MYO18B: variants seen among roughly 807,000 people sequenced by gnomAD.
The protein encoded by MYO18B is unconventional myosin-XVIIIb.
Under a neutral mutation model 273.0 loss-of-function variants are expected in MYO18B, and 204 were observed. The ratio of observed to expected loss-of-function variants is 0.75; its 90% CI spans 0.67 to 0.84. The LOEUF (loss-of-function observed/expected upper bound fraction) is 0.84. Ranked by LOEUF, MYO18B falls within the 40% of genes least tolerant of loss-of-function variation. The probability of loss-of-function intolerance (pLI) is 0.00; values close to 1 mark genes in which losing one functional copy is unlikely to be tolerated. For synonymous variants in MYO18B, 1,330 were observed against 1,305.7 expected, an observed-to-expected ratio of 1.02 and a Z score of -0.40; for missense variants, 3,212 against 3,287.6, an observed-to-expected ratio of 0.98 and a Z score of 0.56.
chr22:25,829,440 T>C (rs1328525024), intron 15 of MYO18B, among the ~76,000 whole-genome samples: 1 of 151,570 alleles, frequency 6.6e-6, no homozygotes, highest in Non-Finnish European at 1.5e-5. Flanking sequence ...GCAATTCCTC[T>C]TCTAGGAGGC....
chr22:25,908,211 C>T (rs1317115329), intron 31 of MYO18B, 111 bp from the exon 32 acceptor site: 2 of 822,714 alleles, frequency 2.4e-6, no homozygotes, highest in Non-Finnish European at 4.0e-6. Flanking sequence ...ACTTGACTCT[C>T]ATTTATGTAT....
chr22:25,936,205 G>C (rs1219084807), intron 34 of MYO18B, among the ~76,000 whole-genome samples: 1 of 152,188 alleles, frequency 6.6e-6, no homozygotes, highest in Middle Eastern at 3.2e-3. Context: ...GTTTTATCCT[G>C]CTTTTCTATT....
chr22:25,908,156 C>A (rs1343603281), intron 31 of MYO18B, among the ~76,000 whole-genome samples, 166 bp from the exon 32 acceptor site: 2 of 152,090 alleles, frequency 1.3e-5, no homozygotes, highest in African/African-American at 4.8e-5. Context: ...AATATTTAAT[C>A]TATTTACCCA....
chr22:25,823,465 A>G, intron 12 of MYO18B, 40 bp from the exon 13 acceptor site: 1 of 1,601,072 alleles, frequency 6.2e-7, no homozygotes, highest in Non-Finnish European at 8.5e-7. Context: ...CCCCATGCCC[A>G]AGGCCTCACT....
At chr22:25,927,157 A>G (rs1397993053) in intron 34 of MYO18B, among the ~76,000 whole-genome samples, 1 of 151,486 alleles carries the variant, frequency 6.6e-6, no homozygotes, top group African/African-American at 2.4e-5. Flanking sequence ...GGCACCTTGA[A>G]AAAAGAACAG....
chr22:25,939,420 C>T lies in MYO18B; in HGVS notation c.5518-6717C>T, dbSNP rs143496241. ...GTTCCATCTTGTATTCTTAGGCAGA[C>T]TCTTCGATCTTGCCCAGACTTTCCA... is the stretch of plus-strand genomic sequence containing the variant. On this transcript the variant is annotated intron_variant, in intron 34 of 43. Coordinates refer to ENST00000335473, the MANE Select transcript of MYO18B (RefSeq NM_032608.7). 1.5e-3 allele frequency among the ~76,000 whole-genome samples: 228 copies of T among 152,352 alleles called. 5 individuals are homozygous for T. In the South Asian group the frequency reaches 0.034, roughly 23 times the overall value.
At position 25,900,270 on chromosome 22, in the gene MYO18B, C is replaced by T. The variant is rs546765014; in HGVS notation, c.4823+1809C>T. ...GCCAATTGCAGATAGCAGGCATTAC[C>T]TTTCCAGGTAGATTAGCATTTTATG... On this transcript the variant is annotated intron_variant, in intron 29 of 43. Coordinates refer to ENST00000335473, the MANE Select transcript of MYO18B (RefSeq NM_032608.7). The T allele has an allele frequency of 4.6e-5, 7 of 152,350 alleles. No homozygotes were observed. In the East Asian group the frequency reaches 7.7e-4, roughly 17 times the overall value. The allele number at this position is 152,350 out of a possible 1,614,324, so 9.4% of individuals were successfully genotyped here. A position where few individuals can be genotyped will look rare whatever the true frequency, so the allele number is the denominator to read the frequency against.
At chr22:26,059,900 G>A in the MYO18B span, among the ~76,000 whole-genome samples, 574 of 152,356 alleles carry the variant, frequency 3.8e-3, 3 homozygotes, top group Non-Finnish European at 6.1e-3. Context: ...AGGTTGCAAC[G>A]TGTTGGCATG....
At chr22:25,887,635 C>T (rs2091540095) in intron 25 of MYO18B, among the ~76,000 whole-genome samples, 1 of 152,100 alleles carries the variant, frequency 6.6e-6, no homozygotes, top group African/African-American at 2.4e-5. Context: ...TTTCAATTTG[C>T]AATCGCCTGA....
intron 2 of MYO18B, 82 bp downstream of exon 2, chr22:25,761,213 C>T (rs888375018): frequency 2.6e-5 from 38 of 1,463,166 alleles, no homozygotes; most frequent in Non-Finnish European, 3.6e-5. Context: ...CCTTTCCCAC[C>T]TTGAGTGGGG....
At chr22:25,773,988 G>A (rs1165369706) in intron 7 of MYO18B, among the ~76,000 whole-genome samples, 2 of 152,164 alleles carry the variant, frequency 1.3e-5, no homozygotes, top group Non-Finnish European at 2.9e-5. Context: ...AGACTCACTG[G>A]GAAGTCAGAA....
At chr22:26,017,254 CT>C (rs771904467) in intron 42 of MYO18B, among the ~76,000 whole-genome samples, 20 of 151,594 alleles carry the variant, frequency 1.3e-4, no homozygotes, top group Non-Finnish European at 2.5e-4. Flanking sequence ...GTAGCTTCTA[CT>C]TTGATAGTTG....
intron 10 of MYO18B, 130 bp from the exon 11 acceptor site, chr22:25,785,298 A>T: frequency 1.3e-6 from 1 of 765,278 alleles, no homozygotes; most frequent in Non-Finnish European, 2.1e-6. Flanking sequence ...AGTGGGGCCA[A>T]GGCCAGGGAC....
In MYO18B at chr22:25,847,424, G is replaced by A; in HGVS notation, c.3553-6G>A. 2 of 1,560,442 alleles carry A rather than the reference G, an allele frequency of 1.3e-6. No individual in the cohort carries two copies. Among genetic ancestry groups the A allele is most frequent in the Non-Finnish European group, 1.7e-6 (2 of 1,151,766 alleles). ...ACTGGCCCTGACCTCCCTCTATTTG[G>A]TCTAGGATGCGCTGACCAGCATGAT... On this transcript the variant is annotated splice_region_variant and splice_polypyrimidine_tract_variant and intron_variant, in intron 19 of 43. Coordinates refer to ENST00000335473, the MANE Select transcript of MYO18B (RefSeq NM_032608.7).
chr22:25,873,901 C>T (rs2091117439), intron 22 of MYO18B, among the ~76,000 whole-genome samples: 1 of 152,200 alleles, frequency 6.6e-6, no homozygotes, highest in Non-Finnish European at 1.5e-5. Flanking sequence ...GTGCACAGAA[C>T]AGTTTAGGCA....
chr22:25,977,265 G>A (rs1421630326), intron 39 of MYO18B, among the ~76,000 whole-genome samples: 1 of 149,320 alleles, frequency 6.7e-6, no homozygotes. Context: ...TATTCAAGGG[G>A]TGATCCGATT....
At chr22:26,022,210 CA>C (rs1315339847) in intron 42 of MYO18B, among the ~76,000 whole-genome samples, 3 of 150,888 alleles carry the variant, frequency 2.0e-5, no homozygotes, top group African/African-American at 7.3e-5. Context: ...GACATCCCTC[CA>C]TCATGATGAT....
the MYO18B span, among the ~76,000 whole-genome samples, chr22:26,058,692 G>C: frequency 6.6e-6 from 1 of 152,096 alleles, no homozygotes; most frequent in Non-Finnish European, 1.5e-5. Flanking sequence ...AAAGAGCCTA[G>C]CATCTCCCCT....
At chr22:25,771,146 TG>T (rs1404602388) in intron 6 of MYO18B, among the ~76,000 whole-genome samples, 162 bp downstream of exon 6, 1 of 152,194 alleles carries the variant, frequency 6.6e-6, no homozygotes, top group African/African-American at 2.4e-5. Flanking sequence ...AGAACCCCAC[TG>T]AACTCATTGC....
Sources: gnomAD v4.1 joint callset for allele counts (sites outside exome capture counted in the v4.1 genomes callset) on GRCh38, gnomAD v4.1.1 for gene constraint, MANE v1.5 for transcripts, NCBI Gene and HGNC (gene_info 2026-07-23, HGNC 2026-07-21) for gene names.